ARHGAP29: variants seen among roughly 807,000 people sequenced by gnomAD.
The protein encoded by ARHGAP29 is Rho GTPase activating protein 29, also known as rho GTPase-activating protein 29.
In ARHGAP29, 43 loss-of-function variants were observed where a neutral mutation model predicts 122.6. That is an observed-to-expected ratio of 0.35 (90% CI 0.27 to 0.45). The LOEUF is 0.45. Ranked by LOEUF, ARHGAP29 falls within the 20% of genes least tolerant of loss-of-function variation. The probability of loss-of-function intolerance (pLI) is 1.00; values close to 1 mark genes in which losing one functional copy is unlikely to be tolerated. For synonymous variants in ARHGAP29, 506 were observed against 497.1 expected (o/e 1.02, Z -0.24); for missense variants, 1,303 against 1,477.2 (o/e 0.88, Z 1.93).
At chr1:94,307,849 G>C in the ARHGAP29 span, among the ~76,000 whole-genome samples, 3 of 152,104 alleles carry the variant, frequency 2.0e-5, no homozygotes, top group African/African-American at 7.2e-5. Flanking sequence ...TAAGAGGGTA[G>C]TTATAATTTT....
the ARHGAP29 span, among the ~76,000 whole-genome samples, chr1:94,305,837 CA>C: frequency 1.3e-5 from 2 of 152,164 alleles, no homozygotes; most frequent in Non-Finnish European, 2.9e-5. Context: ...TGTCTTACCT[CA>C]AAGTTCAAGG....
chr1:94,237,067 T>A (rs948179340), intron 1 of ARHGAP29, among the ~76,000 whole-genome samples: 7 of 151,854 alleles, frequency 4.6e-5, no homozygotes, highest in Non-Finnish European at 1.0e-4. Context: ...ATTAAAAGAG[T>A]TAAAATGTGC....
chr1:94,300,209 C>G, the ARHGAP29 span, among the ~76,000 whole-genome samples: 1 of 152,164 alleles, frequency 6.6e-6, no homozygotes, highest in Non-Finnish European at 1.5e-5. Flanking sequence ...TGTGGATATT[C>G]CTTAACTATT....
intron 3 of ARHGAP29, among the ~76,000 whole-genome samples, chr1:94,218,411 C>T (rs2101575648): frequency 6.6e-6 from 1 of 152,270 alleles, no homozygotes; most frequent in Non-Finnish European, 1.5e-5. Context: ...TCCTCAAAGA[C>T]AGAAAGATCT....
chr1:94,205,294 A>G (rs1269046672), intron 6 of ARHGAP29, 96 bp from the exon 7 acceptor site: 25 of 1,036,784 alleles, frequency 2.4e-5, no homozygotes, highest in Non-Finnish European at 3.1e-5. Context: ...CTAGTCAATA[A>G]AAACTGGTTT....
At chr1:94,208,931 G>C in intron 4 of ARHGAP29, 27 bp from the exon 5 acceptor site, 1 of 1,590,496 alleles carries the variant, frequency 6.3e-7, no homozygotes, top group Non-Finnish European at 8.6e-7. Flanking sequence ...AAAAAAGAAA[G>C]ACAAGTCATT....
intron 19 of ARHGAP29, among the ~76,000 whole-genome samples, chr1:94,181,631 A>C (rs185148254): frequency 9.2e-5 from 14 of 152,320 alleles, no homozygotes; most frequent in African/African-American, 3.4e-4. Context: ...ACCCTACTAT[A>C]AAGCTCAAGG....
At chr1:94,194,630 C>A (rs1045240943) in intron 12 of ARHGAP29, 1 of 152,186 alleles carries the variant, frequency 6.6e-6, no homozygotes, top group East Asian at 1.9e-4. Context: ...GAGGGCTCCA[C>A]CTAGTCACCT....
intron 10 of ARHGAP29, 23 bp downstream of exon 10, chr1:94,202,895 T>A (rs751078120): frequency 6.3e-7 from 1 of 1,583,562 alleles, no homozygotes; most frequent in Non-Finnish European, 8.6e-7. Flanking sequence ...AATAGGTACA[T>A]GAAACTCCAT....
At chr1:94,256,536 CTTTTTTTTTTTTTTTTTTTTTTTTTT>C (rs530295333) in intron 1 of ARHGAP29, among the ~76,000 whole-genome samples, 2 of 45,296 alleles carry the variant, frequency 4.4e-5, no homozygotes, top group East Asian at 1.3e-3. Context: ...CAGTACTAAT[CTTTTTTTTTTTTTTTTTTTTTTTTTT>C]TTTTTTTTTT....
In ARHGAP29 at chr1:94,203,154, G is replaced by A; in HGVS notation, c.819C>T (p.Ser273=). 9.9e-6 allele frequency: 16 copies of A among 1,613,464 alleles called. No homozygotes were observed. Among genetic ancestry groups the A allele is most frequent in the Non-Finnish European group, 1.4e-5 (16 of 1,179,776 alleles). The change falls in exon 9 of 23, where the codon AGC becomes AGT. Residue 273 remains serine (S), a synonymous_variant. Transcript: ENST00000260526. ...FTNALLNDIE[S]SHLLQQTIAA... is the part of the protein sequence containing the mutation. ...CAATTGTTTGTTGTAAAAGGTGACT[G>A]CTTTCTATATCATTAAGAAGAGCAT...
chr1:94,184,832 G>A (rs1054757313), intron 18 of ARHGAP29, 40 bp downstream of exon 18: 2 of 1,444,536 alleles, frequency 1.4e-6, no homozygotes, highest in Admixed American at 4.6e-5. Flanking sequence ...AGGTTACACA[G>A]GCATTTATGC....
upstream of ARHGAP29, among the ~76,000 whole-genome samples, chr1:94,279,143 C>T (rs1373558102): frequency 1.3e-5 from 2 of 152,194 alleles, no homozygotes; most frequent in South Asian, 2.1e-4. Flanking sequence ...TATAATACTT[C>T]TCATGGTTTC....
At chr1:94,213,891 G>A (rs1356819522) in intron 3 of ARHGAP29, among the ~76,000 whole-genome samples, 1 of 152,156 alleles carries the variant, frequency 6.6e-6, no homozygotes, top group Non-Finnish European at 1.5e-5. Flanking sequence ...ACAAAACACT[G>A]TCAACAATAA....
chr1:94,283,685 C>T, the ARHGAP29 span, among the ~76,000 whole-genome samples: 2 of 152,172 alleles, frequency 1.3e-5, no homozygotes, highest in Non-Finnish European at 2.9e-5. Flanking sequence ...ATCAGTGTAA[C>T]TCTGTATGTT....
chr1:94,282,186 T>TA, the ARHGAP29 span, among the ~76,000 whole-genome samples: 10,486 of 151,282 alleles, frequency 0.069, 1,202 homozygotes, highest in African/African-American at 0.24. Flanking sequence ...TTGTCTTTTT[T>TA]AAAAAAAAAG....
chr1:94,248,416 T>C (rs909605910), intron 1 of ARHGAP29, among the ~76,000 whole-genome samples: 1 of 152,180 alleles, frequency 6.6e-6, no homozygotes, highest in African/African-American at 2.4e-5. Flanking sequence ...CATCATATCA[T>C]GTATGGAGGA....
At chr1:94,204,143 C>CT in intron 7 of ARHGAP29, 149 bp from the exon 8 acceptor site, 1 of 480,468 alleles carries the variant, frequency 2.1e-6, no homozygotes, top group Non-Finnish European at 3.5e-6. Context: ...CTTCTTTCTT[C>CT]CTTTTTTTTT....
At chr1:94,208,454 T>C (rs1428339272) in intron 5 of ARHGAP29, among the ~76,000 whole-genome samples, 1 of 152,112 alleles carries the variant, frequency 6.6e-6, no homozygotes, top group African/African-American at 2.4e-5. Flanking sequence ...TGTTATTTCA[T>C]AGCAATTTTT....
Sources: allele counts gnomAD v4.1 joint callset (sites outside exome capture counted in the v4.1 genomes callset), GRCh38; gene constraint gnomAD v4.1.1; transcripts MANE v1.5; gene names NCBI Gene and HGNC (gene_info 2026-07-23, HGNC 2026-07-21).